CREB1: variants seen among roughly 807,000 people sequenced by gnomAD.
CREB1 encodes the protein cAMP responsive element binding protein 1.
A neutral mutation model predicts 42.0 loss-of-function variants in CREB1; 2 were observed. The ratio of observed to expected loss-of-function variants is 0.05; its 90% CI spans 0.02 to 0.15. The LOEUF (loss-of-function observed/expected upper bound fraction) is 0.15. Among genes scored for constraint, CREB1 ranks in the 10% least tolerant of loss-of-function variants. The pLI, the probability that CREB1 is intolerant of heterozygous loss-of-function variation, is 1.00. For missense variants in CREB1, 199 were observed against 388.9 expected (o/e 0.51, Z 4.11); for synonymous variants, 123 against 139.9 (o/e 0.88, Z 0.85).
At chr2:207,585,316 A>G (rs2083627323) in intron 7 of CREB1, among the ~76,000 whole-genome samples, 1 of 152,224 alleles carries the variant, frequency 6.6e-6, no homozygotes, top group Non-Finnish European at 1.5e-5. Flanking sequence ...TGAGAGAATC[A>G]TAGATACCAC....
intron 1 of CREB1, among the ~76,000 whole-genome samples, chr2:207,540,669 T>TAAAAAAAAAAAAAAAAAAAAAA (rs35714520): frequency 3.6e-4 from 23 of 64,260 alleles, no homozygotes; most frequent in African/African-American, 5.6e-4. Context: ...GTTTAAAAAG[T>TAAAAAAAAAAAAAAAAAAAAAA]AAAAAAAAAA....
At position 207,602,265 on chromosome 2, in the gene CREB1, A is replaced by G. The variant is rs2087194364; in HGVS notation, c.*5207A>G. On this transcript the variant is annotated 3_prime_UTR_variant, in exon 8 of 8. Coordinates refer to ENST00000353267, the MANE Select transcript of CREB1 (RefSeq NM_004379.5). ...TTAAAAAATATATAAATAAAATAGA[A>G]CAAAGCCGGTGATGCAAGTTGATAT... The G allele has an allele frequency of 5.3e-6, 1 of 188,550 alleles. No homozygotes were observed. Among genetic ancestry groups the G allele is most frequent in the Non-Finnish European group, 1.1e-5 (1 of 89,590 alleles). The allele number at this position is 188,550 out of a possible 1,614,324, so 11.7% of individuals were successfully genotyped here.
At chr2:207,576,334 A>G (rs1324998438) in intron 6 of CREB1, among the ~76,000 whole-genome samples, 5 of 137,330 alleles carry the variant, frequency 3.6e-5, no homozygotes, top group African/African-American at 1.4e-4. Context: ...TTGTTTGAAT[A>G]TTTCAAGAAT....
intron 3 of CREB1, 115 bp downstream of exon 3, chr2:207,560,487 C>T: frequency 2.0e-6 from 2 of 1,010,464 alleles, no homozygotes; most frequent in South Asian, 1.8e-5. Context: ...ATTTTATTCA[C>T]AGTATAGGAA....
chr2:207,554,497 G>A (rs1205557755), intron 1 of CREB1, among the ~76,000 whole-genome samples: 1 of 152,292 alleles, frequency 6.6e-6, no homozygotes, highest in East Asian at 1.9e-4. Flanking sequence ...TAATATGTGA[G>A]GCACTGAATT....
intron 1 of CREB1, among the ~76,000 whole-genome samples, chr2:207,530,713 T>TGCCTTCCCGGTGGCTTCGGTGCCTGCC (rs2080576638): frequency 6.6e-6 from 1 of 151,734 alleles, no homozygotes; most frequent in Admixed American, 6.6e-5. Flanking sequence ...AGGTGCCTGC[T>TGCCTTCCCGGTGGCTTCGGTGCCTGCC]GCCTTCCCGG....
rs1430289129 is a variant in CREB1 at position 207,604,808 on chromosome 2, G to A, written c.*7750G>A. Among the ~76,000 whole-genome samples the A allele has an allele frequency of 3.3e-5, 5 of 152,134 alleles. No homozygotes were observed. The highest frequency in any genetic ancestry group is 6.5e-5 in the Admixed American group (1 of 15,278). On this transcript the variant is annotated 3_prime_UTR_variant, in exon 8 of 8. Transcript: ENST00000353267. Reference sequence around the variant, plus strand: ...CCTGTTTCTTTGGATTTACATCCGGGTATTTCATGTGAGACTCATACACTG... The same window carrying A: ...CCTGTTTCTTTGGATTTACATCCGGATATTTCATGTGAGACTCATACACTG...
At chr2:207,561,247 A>G (rs1224683122) in intron 3 of CREB1, 72 of 1,219,116 alleles carry the variant, frequency 5.9e-5, no homozygotes, top group Non-Finnish European at 8.3e-5. Flanking sequence ...CTTTTCCTCT[A>G]TAAACATGGA....
At chr2:207,584,722 G>T (rs2083515391) in intron 7 of CREB1, among the ~76,000 whole-genome samples, 1 of 152,074 alleles carries the variant, frequency 6.6e-6, no homozygotes, top group South Asian at 2.1e-4. Flanking sequence ...ACTTTTATGT[G>T]ATTTGCTATC....
Position 207,600,487 on chromosome 2 carries a change from A to G in CREB1, c.*3429A>G, listed in dbSNP as rs1032778898. Reference sequence around the variant, plus strand: ...GTTTTCTTTGGCTTGATACTTTTAAATATGTTACTAGTCACTTGAAAGCCT... The same window carrying G: ...GTTTTCTTTGGCTTGATACTTTTAAGTATGTTACTAGTCACTTGAAAGCCT... On this transcript the variant is annotated 3_prime_UTR_variant, in exon 8 of 8. Transcript: ENST00000353267. 53 of 202,994 alleles carry G rather than the reference A, an allele frequency of 2.6e-4. No individual in the cohort carries two copies. Among genetic ancestry groups the G allele is most frequent in the African/African-American group, 1.1e-3 (50 of 43,744 alleles). The allele number at this position is 202,994 out of a possible 1,614,324, so 12.6% of individuals were successfully genotyped here.
intron 1 of CREB1, among the ~76,000 whole-genome samples, chr2:207,538,830 T>C (rs2080979379): frequency 6.6e-6 from 1 of 152,220 alleles, no homozygotes. Flanking sequence ...TTTCTAAGGA[T>C]CTGGTTATCT....
In CREB1 at chr2:207,567,389, T is replaced by G. The variant is rs535472565; in HGVS notation, c.262-74T>G. On this transcript the variant is annotated intron_variant, in intron 3 of 7. Coordinates refer to ENST00000353267, the MANE Select transcript of CREB1 (RefSeq NM_004379.5). Reference sequence around the variant, plus strand: ...GCATGTATAAAGTTTATATATGACTTTTTATATTTGTTTAATAAAAATTTT... The same window carrying G: ...GCATGTATAAAGTTTATATATGACTGTTTATATTTGTTTAATAAAAATTTT... 9 of 1,083,740 alleles carry G rather than the reference T, an allele frequency of 8.3e-6. No homozygotes were observed. In the East Asian group the frequency reaches 2.1e-4, roughly 25 times the overall value. 67.1% of individuals were successfully genotyped at this position (1,083,740 alleles called of 1,614,324 possible).
intron 5 of CREB1, chr2:207,571,617 A>G (rs2082367411): frequency 3.4e-6 from 1 of 291,660 alleles, no homozygotes; most frequent in Admixed American, 4.1e-5. Flanking sequence ...CTCTTTACCT[A>G]CAATTCTGTA....
At chr2:207,595,384 TG>T (rs1310676234) in intron 7 of CREB1, among the ~76,000 whole-genome samples, 4 of 152,306 alleles carry the variant, frequency 2.6e-5, no homozygotes, top group African/African-American at 9.6e-5. Context: ...TGGGTTATTT[TG>T]CTGTTGAGTT....
Position 207,600,596 on chromosome 2 carries a change from G to A in CREB1, c.*3538G>A, listed in dbSNP as rs2086882458. ...AACATTTTGAAGATAGCTTTTTAAA[G>A]GAACCACTGATTTTTTCAAAAATCA... On this transcript the variant is annotated 3_prime_UTR_variant, in exon 8 of 8. Transcript: ENST00000353267. 9.4e-6 allele frequency: 2 copies of A among 212,432 alleles called. No homozygotes were observed. Among genetic ancestry groups the A allele is most frequent in the Admixed American group, 5.9e-5 (1 of 17,052 alleles). 13.2% of individuals were successfully genotyped at this position (212,432 alleles called of 1,614,324 possible).
Position 207,599,611 on chromosome 2 carries a change from G to T in CREB1, c.*2553G>T, listed in dbSNP as rs1371362789. 5.0e-6 allele frequency: 1 copy of T among 199,400 alleles called. No individual in the cohort carries two copies. Among genetic ancestry groups the T allele is most frequent in the Non-Finnish European group, 1.0e-5 (1 of 96,558 alleles). 12.4% of individuals were successfully genotyped at this position (199,400 alleles called of 1,614,324 possible). A position where few individuals can be genotyped will look rare whatever the true frequency, so the allele number is the denominator to read the frequency against. ...AATGATGAGGTGAGAAATGTATCCTGTTGCTAAATCTGTCTTAGACCCTTG... is the reference window on the plus strand; with the variant it reads ...AATGATGAGGTGAGAAATGTATCCTTTTGCTAAATCTGTCTTAGACCCTTG... On this transcript the variant is annotated 3_prime_UTR_variant, in exon 8 of 8. Coordinates refer to ENST00000353267, the MANE Select transcript of CREB1 (RefSeq NM_004379.5).
intron 1 of CREB1, among the ~76,000 whole-genome samples, chr2:207,555,039 T>C (rs2081659753): frequency 6.6e-6 from 1 of 152,170 alleles, no homozygotes; most frequent in South Asian, 2.1e-4. Context: ...AACATGCTAC[T>C]GCACTCCAGT....
intron 5 of CREB1, among the ~76,000 whole-genome samples, chr2:207,572,643 C>T (rs1175948681): frequency 2.6e-5 from 4 of 151,982 alleles, no homozygotes; most frequent in African/African-American, 9.7e-5. Flanking sequence ...GGTGAAAACC[C>T]GTCTCTACTA....
chr2:207,562,157 T>C (rs758987296), intron 3 of CREB1, among the ~76,000 whole-genome samples: 3 of 152,232 alleles, frequency 2.0e-5, no homozygotes, highest in Non-Finnish European at 4.4e-5. Context: ...GTGCCATTAC[T>C]AATTCCCTAA....
Sources: allele counts gnomAD v4.1 joint callset (sites outside exome capture counted in the v4.1 genomes callset), GRCh38; gene constraint gnomAD v4.1.1; transcripts MANE v1.5; gene names NCBI Gene and HGNC (gene_info 2026-07-23, HGNC 2026-07-21).